Variants in TUSC3 observed in about 807,000 individuals in gnomAD.
The protein encoded by TUSC3 is dolichyl-diphosphooligosaccharide--protein glycosyltransferase subunit TUSC3.
Under a neutral mutation model 44.8 loss-of-function variants are expected in TUSC3, and 45 were observed. The observed-to-expected ratio is 1.00, with a 90% CI of 0.79 to 1.29. The LOEUF is 1.29. TUSC3 is among the 50% of genes most tolerant of loss of function. TUSC3 has a pLI of 0.00. For synonymous variants in TUSC3, 212 were observed against 152.9 expected, an observed-to-expected ratio of 1.39 and a Z score of -2.85; for missense variants, 519 against 437.9, an observed-to-expected ratio of 1.19 and a Z score of -1.65.
At chr8:15,777,623 T>A in the TUSC3 span, among the ~76,000 whole-genome samples, 2 of 152,204 alleles carry the variant, frequency 1.3e-5, no homozygotes, top group Non-Finnish European at 1.5e-5. Context: ...TTGAAATTTT[T>A]GCACGTAATT....
At chr8:15,525,938 G>T (rs1035934027) in intron 2 of TUSC3, among the ~76,000 whole-genome samples, 3 of 152,158 alleles carry the variant, frequency 2.0e-5, no homozygotes, top group African/African-American at 7.2e-5. Context: ...AAGCAGAACT[G>T]GTGTTTAAAT....
the TUSC3 span, among the ~76,000 whole-genome samples, chr8:15,839,866 C>A: frequency 6.6e-6 from 1 of 152,194 alleles, no homozygotes; most frequent in Non-Finnish European, 1.5e-5. Context: ...ACCCAGCCAT[C>A]CCATTACTGG....
At chr8:15,583,772 A>C (rs1172449834) in intron 1 of TUSC3, among the ~76,000 whole-genome samples, 1 of 152,176 alleles carries the variant, frequency 6.6e-6, no homozygotes, top group African/African-American at 2.4e-5. Flanking sequence ...TTTTTTCTTA[A>C]GCAAGTATTG....
chr8:15,689,020 G>A lies in TUSC3; in HGVS notation c.798+15184G>A, dbSNP rs954149466. 6 of 261,668 alleles carry A rather than the reference G, an allele frequency of 2.3e-5. No homozygotes were observed. The Admixed American group carries it at 3.1e-4, about 13-fold the overall frequency. The allele number at this position is 261,668 out of a possible 1,614,324, so 16.2% of individuals were successfully genotyped here. On this transcript the variant is annotated intron_variant, in intron 6 of 10. Transcript: ENST00000503731. The stretch of plus-strand genomic sequence containing the variant: ...TTACAGTCAAACAACCGGGCCACCT[G>A]TTACCACCCAGTGCAGGGGGATGAC...
At chr8:15,542,162 G>T (rs1397490845) in intron 1 of TUSC3, among the ~76,000 whole-genome samples, 1 of 152,026 alleles carries the variant, frequency 6.6e-6, no homozygotes, top group East Asian at 1.9e-4. Flanking sequence ...GTTTGATCTG[G>T]AAGGGTGGGA....
intron 1 of TUSC3, among the ~76,000 whole-genome samples, chr8:15,590,452 C>T (rs930824141): frequency 3.3e-5 from 5 of 152,044 alleles, no homozygotes; most frequent in South Asian, 2.1e-4. Flanking sequence ...TTCTAACTTT[C>T]TTCTCTCTCC....
Position 15,497,878 on chromosome 8 carries a change from G to C in TUSC3, n.189+14395G>C, listed in dbSNP as rs975066636. 1.3e-4 allele frequency among the ~76,000 whole-genome samples: 19 copies of C among 151,808 alleles called. 1 individual carries two copies. Among genetic ancestry groups the C allele is most frequent in the African/African-American group, 4.4e-4 (18 of 41,302 alleles). ...TCCTGCCTCAGCCTCCTGAGTAGTT[G>C]GGATTCTGTAATCTCTCCTGCCACC... On this transcript the variant is annotated intron_variant and non_coding_transcript_variant, in intron 2 of 5. Transcript: ENST00000503191.
chr8:15,758,096 C>T, intron 10 of TUSC3: 2 of 1,280,670 alleles, frequency 1.6e-6, no homozygotes, highest in Non-Finnish European at 2.0e-6. Context: ...TTGACAGATG[C>T]AATGCTTCCA....
At chr8:15,782,707 C>T in the TUSC3 span, among the ~76,000 whole-genome samples, 4 of 152,120 alleles carry the variant, frequency 2.6e-5, no homozygotes, top group African/African-American at 9.7e-5. Context: ...TAAAAACTCT[C>T]ATCAAATTAC....
At chr8:15,844,134 G>T in the TUSC3 span, among the ~76,000 whole-genome samples, 2 of 151,672 alleles carry the variant, frequency 1.3e-5, no homozygotes, top group South Asian at 4.1e-4. Flanking sequence ...GTAGCAGAAT[G>T]CACCATGACA....
intron 2 of TUSC3, among the ~76,000 whole-genome samples, chr8:15,503,641 T>A (rs1800999883): frequency 4.6e-5 from 7 of 152,098 alleles, no homozygotes. Flanking sequence ...GAATTCGAGG[T>A]TGCAGTAAGC....
chr8:15,782,318 A>AT, the TUSC3 span, among the ~76,000 whole-genome samples: 37 of 151,684 alleles, frequency 2.4e-4, no homozygotes, highest in East Asian at 6.0e-3. Context: ...ACAAAAAAAA[A>AT]TTTTTTTTTA....
At chr8:15,525,961 G>A (rs766563818) in intron 2 of TUSC3, among the ~76,000 whole-genome samples, 16 of 152,146 alleles carry the variant, frequency 1.1e-4, no homozygotes, top group Non-Finnish European at 1.5e-4. Flanking sequence ...AATTATTTTG[G>A]CTGTAGGGAG....
intron 1 of TUSC3, among the ~76,000 whole-genome samples, chr8:15,566,170 A>G (rs1802664009): frequency 6.6e-6 from 1 of 152,128 alleles, no homozygotes; most frequent in Admixed American, 6.5e-5. Context: ...TACAGTTTCC[A>G]TATTTACAGC....
At chr8:15,722,143 A>C (rs1394840013) in intron 6 of TUSC3, among the ~76,000 whole-genome samples, 1 of 151,872 alleles carries the variant, frequency 6.6e-6, no homozygotes, top group Non-Finnish European at 1.5e-5. Flanking sequence ...CCATACCTGC[A>C]GTCTATGTTT....
intron 7 of TUSC3, among the ~76,000 whole-genome samples, chr8:15,736,108 T>C (rs1278426617): frequency 6.6e-6 from 1 of 152,110 alleles, no homozygotes; most frequent in Non-Finnish European, 1.5e-5. Flanking sequence ...TGTGTGGGGA[T>C]ATGTAAACAT....
intron 2 of TUSC3, among the ~76,000 whole-genome samples, chr8:15,485,280 C>T (rs748851745): frequency 2.0e-5 from 3 of 152,158 alleles, no homozygotes; most frequent in Non-Finnish European, 4.4e-5. Context: ...TTCTATAATT[C>T]CACCTGTGTT....
intron 2 of TUSC3, among the ~76,000 whole-genome samples, chr8:15,483,851 G>C (rs1002796878): frequency 1.4e-5 from 2 of 147,902 alleles, no homozygotes; most frequent in African/African-American, 5.0e-5. Flanking sequence ...TAGAGACGGG[G>C]TTTCACTGTG....
At position 15,712,267 on chromosome 8, in the gene TUSC3, G is replaced by C. The variant is rs190774433; in HGVS notation, c.799-18399G>C. Among the ~76,000 whole-genome samples the C allele has an allele frequency of 1.4e-3, 206 of 151,886 alleles. 1 individual carries two copies. The highest frequency in any genetic ancestry group is 2.6e-3 in the Admixed American group (39 of 15,226). On this transcript the variant is annotated intron_variant, in intron 6 of 10. Coordinates refer to ENST00000503731, the MANE Select transcript of TUSC3 (RefSeq NM_006765.4). ...TAAATTTCCTTGTTTTAATGCTTTTGTTCAGAGTACTCATGCTGTTGATTC... is the reference window on the plus strand; with the variant it reads ...TAAATTTCCTTGTTTTAATGCTTTTCTTCAGAGTACTCATGCTGTTGATTC...
Sources: allele counts gnomAD v4.1 joint callset (sites outside exome capture counted in the v4.1 genomes callset), GRCh38; gene constraint gnomAD v4.1.1; transcripts MANE v1.5; gene names NCBI Gene and HGNC (gene_info 2026-07-23, HGNC 2026-07-21).